Variants in SLC41A1 observed in about 807,000 individuals in gnomAD.
SLC41A1 encodes solute carrier family 41 member 1, also known as solute carrier family 41 (magnesium transporter), member 1.
SLC41A1 carries 20 observed loss-of-function variants against 47.3 expected under a neutral mutation model. The ratio of observed to expected loss-of-function variants is 0.42; its 90% CI spans 0.30 to 0.61. The LOEUF is 0.61. Among genes scored for constraint, SLC41A1 ranks in the 20% least tolerant of loss-of-function variants. SLC41A1 has a pLI of 0.17. For synonymous variants in SLC41A1, 282 were observed against 272.7 expected, an observed-to-expected ratio of 1.03 and a Z score of -0.34; for missense variants, 504 against 674.1, an observed-to-expected ratio of 0.75 and a Z score of 2.79.
At position 205,810,979 on chromosome 1, in the gene SLC41A1, GCGTCTGC is replaced by G. The variant is rs1656140814; in HGVS notation, c.-545_-539del. On this transcript the variant is annotated 5_prime_UTR_variant, in exon 2 of 11. Coordinates refer to ENST00000367137, the MANE Select transcript of SLC41A1 (RefSeq NM_173854.6). The surrounding 1 kb of genome is among the most constrained non-coding windows in gnomAD (Gnocchi z 5.5). ...CTCAGGCTCTGCTGGTCCCAGCGCA[GCGTCTGC>G]CGTCTTTCCCTTCTCTTCCAGAAAC... The G allele has an allele frequency of 6.2e-6, 1 of 162,116 alleles. No individual in the cohort carries two copies. The highest frequency in any genetic ancestry group is 1.4e-5 in the Non-Finnish European group (1 of 73,740). The allele number at this position is 162,116 out of a possible 1,614,324, so 10.0% of individuals were successfully genotyped here.
intron 2 of SLC41A1, among the ~76,000 whole-genome samples, chr1:205,805,896 C>T (rs186077074): frequency 6.6e-5 from 10 of 152,330 alleles, no homozygotes; most frequent in Non-Finnish European, 1.5e-4. Context: ...GCCTGAGCCA[C>T]CTCAGGAGGG....
intron 2 of SLC41A1, 49 bp from the exon 3 acceptor site, chr1:205,801,109 G>A: frequency 6.7e-7 from 1 of 1,496,094 alleles, no homozygotes; most frequent in African/African-American, 1.4e-5. Context: ...CAAAGGGCGG[G>A]CATTGAGGTT....
intron 1 of SLC41A1, 66 bp downstream of exon 1, chr1:205,812,742 G>T (rs1163096392): frequency 6.1e-6 from 6 of 986,138 alleles, no homozygotes; most frequent in Non-Finnish European, 7.2e-6. Flanking sequence ...TTCAGCAAAT[G>T]CGCTGCGCGC....
chr1:205,806,267 G>A (rs747770449), intron 2 of SLC41A1, among the ~76,000 whole-genome samples: 12 of 152,140 alleles, frequency 7.9e-5, no homozygotes, highest in Non-Finnish European at 1.5e-4. Context: ...AGAGTGTCCC[G>A]CCCAGGGATG....
At position 205,791,815 on chromosome 1, in the gene SLC41A1, G is replaced by C. The variant is rs1174039873; in HGVS notation, c.1357-97C>G. ...ACCCATTCAGTGCATCACAGGGCTT[G>C]GCTGGCCATAATCCTTACTTTTTAA... On this transcript the variant is annotated intron_variant, in intron 10 of 10. Coordinates refer to ENST00000367137, the MANE Select transcript of SLC41A1 (RefSeq NM_173854.6). This position sits in a 1 kb window ranked among gnomAD's most constrained non-coding sequence, Gnocchi z 4.0. The C allele has an allele frequency of 2.0e-6, 3 of 1,465,900 alleles. No homozygotes were observed. Among genetic ancestry groups the C allele is most frequent in the Non-Finnish European group, 2.8e-6 (3 of 1,067,692 alleles). 90.8% of individuals were successfully genotyped at this position (1,465,900 alleles called of 1,614,324 possible).
intron 8 of SLC41A1, 73 bp downstream of exon 8, chr1:205,796,851 C>A: frequency 6.8e-7 from 1 of 1,471,764 alleles, no homozygotes; most frequent in Non-Finnish European, 9.4e-7. Context: ...AGAAACCAAC[C>A]CCTTAAGTCC....
Position 205,794,929 on chromosome 1 carries a change from C to T in SLC41A1, c.1297G>A (p.Gly433Arg), listed in dbSNP as rs771501446. 27 of 1,613,876 alleles carry T rather than the reference C, an allele frequency of 1.7e-5. No individual in the cohort carries two copies. Among genetic ancestry groups the T allele is most frequent in the East Asian group, 2.2e-5 (1 of 44,898 alleles). Residue 433 changes from glycine to arginine, a missense_variant, in exon 10 of 11, where the codon GGG becomes AGG. Transcript: ENST00000367137. ...AAGATGAGTGTGAGGGTGGTGTGCC[C>T]GCCCTGCATACAGCTGATGGTGTAG... is the stretch of plus-strand genomic sequence containing the variant. ...FLYTISCMQG[G>R]HTTLTLIFII...
At chr1:205,812,696 A>G (rs1185384522) in intron 1 of SLC41A1, 112 bp downstream of exon 1, 4 of 970,490 alleles carry the variant, frequency 4.1e-6, no homozygotes, top group Non-Finnish European at 4.9e-6. Context: ...GAGAGAAAGT[A>G]ACTGGGTGGC....
At chr1:205,805,900 A>G (rs1414786617) in intron 2 of SLC41A1, among the ~76,000 whole-genome samples, 1 of 152,174 alleles carries the variant, frequency 6.6e-6, no homozygotes, top group Non-Finnish European at 1.5e-5. Flanking sequence ...GAGCCACCTC[A>G]GGAGGGTAGC....
chr1:205,810,306 C>G lies in SLC41A1; in HGVS notation c.136G>C (p.Gly46Arg). ...CGAGACTCAATCACCACCTCTACCCCAGCCCCATCAGGCCCCAGGAACTCT... is the reference window on the plus strand; with the variant it reads ...CGAGACTCAATCACCACCTCTACCCGAGCCCCATCAGGCCCCAGGAACTCT... ...TSEFLGPDGAGVEVVIESRAN... is the reference protein window; with the variant it reads ...TSEFLGPDGARVEVVIESRAN... The change falls in exon 2 of 11, where the codon GGG becomes CGG. Residue 46 changes from glycine to arginine, a missense_variant. By Grantham distance (125) the Gly-to-Arg change is moderately radical. Coordinates refer to ENST00000367137, the MANE Select transcript of SLC41A1 (RefSeq NM_173854.6). This position sits in a 1 kb window ranked among gnomAD's most constrained non-coding sequence, Gnocchi z 5.5. 1.2e-6 allele frequency: 2 copies of G among 1,614,230 alleles called. No individual in the cohort carries two copies. The highest frequency in any genetic ancestry group is 1.7e-6 in the Non-Finnish European group (2 of 1,180,038).
chr1:205,798,564 C>G (rs992959788), intron 6 of SLC41A1, 105 bp downstream of exon 6: 1 of 1,527,592 alleles, frequency 6.5e-7, no homozygotes, highest in Admixed American at 1.7e-5. Context: ...GTGTTCAAAC[C>G]AAATAGTTTA....
In SLC41A1 at chr1:205,810,690, G is replaced by C. The variant is rs1463388672; in HGVS notation, c.-249C>G. The stretch of plus-strand genomic sequence containing the variant: ...TCCTCACCAGACAGCCACTAGGGGT[G>C]CAGATGCCTGACTCCAACCCACCAG... On this transcript the variant is annotated 5_prime_UTR_variant, in exon 2 of 11. Coordinates refer to ENST00000367137, the MANE Select transcript of SLC41A1 (RefSeq NM_173854.6). This position sits in a 1 kb window ranked among gnomAD's most constrained non-coding sequence, Gnocchi z 5.5. 1.8e-6 allele frequency: 1 copy of C among 566,938 alleles called. No individual in the cohort carries two copies. Among genetic ancestry groups the C allele is most frequent in the African/African-American group, 1.9e-5 (1 of 53,200 alleles). 35.1% of individuals were successfully genotyped at this position (566,938 alleles called of 1,614,324 possible). A position where few individuals can be genotyped will look rare whatever the true frequency, so the allele number is the denominator to read the frequency against.
In SLC41A1 at chr1:205,810,497, C is replaced by T. The variant is rs1656125782; in HGVS notation, c.-56G>A. 3.1e-6 allele frequency: 5 copies of T among 1,612,852 alleles called. No individual in the cohort carries two copies. The highest frequency in any genetic ancestry group is 1.3e-5 in the African/African-American group (1 of 74,910). On this transcript the variant is annotated 5_prime_UTR_variant, in exon 2 of 11. Transcript: ENST00000367137. This position sits in a 1 kb window ranked among gnomAD's most constrained non-coding sequence, Gnocchi z 5.5. ...TTCCTCTCTTCTTTTTGCTTTCTCT[C>T]TTCTTCTCTAACTTGGGAAAGAACT...
chr1:205,810,071 T>C lies in SLC41A1; in HGVS notation c.371A>G (p.Gln124Arg), dbSNP rs746824192. The C allele has an allele frequency of 1.9e-6, 3 of 1,614,080 alleles. No homozygotes were observed. Among genetic ancestry groups the C allele is most frequent in the Admixed American group, 3.3e-5 (2 of 60,004 alleles). Reference protein sequence around the residue: ...VAAGMVLDIVQHWEVFQKVTE... With the variant: ...VAAGMVLDIVRHWEVFQKVTE... Reference sequence around the variant, plus strand: ...AGAGCTGCCCTACTCAGGTCCTACCTGCACGATGTCCAACACCATGCCAGC... The same window carrying C: ...AGAGCTGCCCTACTCAGGTCCTACCCGCACGATGTCCAACACCATGCCAGC... Residue 124 changes from glutamine to arginine, a missense_variant and splice_region_variant, in exon 2 of 11, where the codon CAG becomes CGG. This residue lies in a region of SLC41A1 where 421 missense variants were observed against 601.6 expected (regional missense o/e 0.70). Transcript: ENST00000367137. The surrounding 1 kb of genome is among the most constrained non-coding windows in gnomAD (Gnocchi z 5.5).
chr1:205,799,146 C>T lies in SLC41A1; in HGVS notation c.553-45G>A, dbSNP rs201496030. ...CTCAGAAAGCCCTGAGAGCAGTGGGCTTCCTAAGCTGAGGTCATAAGCATC... is the reference window on the plus strand; with the variant it reads ...CTCAGAAAGCCCTGAGAGCAGTGGGTTTCCTAAGCTGAGGTCATAAGCATC... On this transcript the variant is annotated intron_variant, in intron 4 of 10. Transcript: ENST00000367137. 5 of 1,610,268 alleles carry T rather than the reference C, an allele frequency of 3.1e-6. No individual in the cohort carries two copies. In the South Asian group the frequency reaches 5.5e-5, roughly 18 times the overall value.
rs950744632 is a variant in SLC41A1 at position 205,794,206 on chromosome 1, A to G, written c.1356+664T>C. On this transcript the variant is annotated intron_variant, in intron 10 of 10. Coordinates refer to ENST00000367137, the MANE Select transcript of SLC41A1 (RefSeq NM_173854.6). ...AATCTGAATAAGCACTGCAGATTGC[A>G]TCAATGCTAATTTCCTGATTTTGAT... Among the ~76,000 whole-genome samples, 6 of 152,362 alleles carry G rather than the reference A, an allele frequency of 3.9e-5. No individual in the cohort carries two copies. The East Asian group carries it at 7.7e-4, about 20-fold the overall frequency.
At chr1:205,801,445 C>T (rs1558081500) in intron 2 of SLC41A1, 1 of 314,682 alleles carries the variant, frequency 3.2e-6, no homozygotes, top group East Asian at 8.4e-5. Context: ...TCCCTGGCCC[C>T]TTTGCCTTCA....
At position 205,790,119 on chromosome 1, in the gene SLC41A1, GC is replaced by G. The variant is rs756232450; in HGVS notation, c.*1413del. Reference sequence around the variant, plus strand: ...ATACTGGTTGAGCAATGGGGCGGTGGCTCTAGCTGTGGTCAGCACTGCACAG... The same window carrying G: ...ATACTGGTTGAGCAATGGGGCGGTGGTCTAGCTGTGGTCAGCACTGCACAG... On this transcript the variant is annotated 3_prime_UTR_variant, in exon 11 of 11. Coordinates refer to ENST00000367137, the MANE Select transcript of SLC41A1 (RefSeq NM_173854.6). 3.3e-5 allele frequency: 5 copies of G among 152,310 alleles called. No individual in the cohort carries two copies. The highest frequency in any genetic ancestry group is 7.3e-5 in the Non-Finnish European group (5 of 68,100). 9.4% of individuals were successfully genotyped at this position (152,310 alleles called of 1,614,324 possible). A position where few individuals can be genotyped will look rare whatever the true frequency, so the allele number is the denominator to read the frequency against.
intron 6 of SLC41A1, 115 bp downstream of exon 6, chr1:205,798,554 G>A: frequency 1.4e-6 from 2 of 1,458,912 alleles, no homozygotes; most frequent in Non-Finnish European, 1.9e-6. Context: ...ATTACAACCT[G>A]TGTTCAAACC....
Sources: allele counts gnomAD v4.1 joint callset (sites outside exome capture counted in the v4.1 genomes callset), GRCh38; gene constraint gnomAD v4.1.1; regional missense constraint gnomAD v4.1.1; non-coding constraint Gnocchi (gnomAD v3.1); transcripts MANE v1.5; gene names NCBI Gene and HGNC (gene_info 2026-07-23, HGNC 2026-07-21).